Variants in KDM4C observed in about 807,000 individuals in gnomAD.
KDM4C encodes the protein lysine demethylase 4C, also known as lysine-specific demethylase 4C.
A neutral mutation model predicts 129.3 loss-of-function variants in KDM4C; 81 were observed. The observed-to-expected ratio is 0.63, with a 90% CI of 0.52 to 0.75. The LOEUF (loss-of-function observed/expected upper bound fraction) is 0.75, where lower values mean the gene tolerates loss of function less well. Ranked by LOEUF, KDM4C falls within the 30% of genes least tolerant of loss-of-function variation. The probability of loss-of-function intolerance (pLI) is 0.00; values close to 1 mark genes in which losing one functional copy is unlikely to be tolerated. For missense variants in KDM4C, 1,457 were observed against 1,304.0 expected, an observed-to-expected ratio of 1.12 and a Z score of -1.81; for synonymous variants, 573 against 456.1, an observed-to-expected ratio of 1.26 and a Z score of -3.26.
intron 17 of KDM4C, among the ~76,000 whole-genome samples, chr9:7,086,806 C>G (rs972847857): frequency 6.6e-6 from 1 of 152,214 alleles, no homozygotes; most frequent in African/African-American, 2.4e-5. Flanking sequence ...TTTTCTATAT[C>G]CCAACTCTCA....
Position 7,010,028 on chromosome 9 carries a change from GTTAAAA to G in KDM4C, c.1787-1667_1787-1662del, listed in dbSNP as rs138796226. Among the ~76,000 whole-genome samples the G allele has an allele frequency of 4.5e-3, 690 of 152,188 alleles. 5 individuals carry two copies. The highest frequency in any genetic ancestry group is 0.016 in the African/African-American group (667 of 41,542). ...TATAAACATAAATCTATTATAAAAA[GTTAAAA>G]TTTGTCACAACATATGCACACAAAC... On this transcript the variant is annotated intron_variant, in intron 12 of 21. Coordinates refer to ENST00000381309, the MANE Select transcript of KDM4C (RefSeq NM_015061.6).
intron 8 of KDM4C, among the ~76,000 whole-genome samples, chr9:6,905,681 C>T (rs1818189935): frequency 6.6e-6 from 1 of 152,122 alleles, no homozygotes; most frequent in Non-Finnish European, 1.5e-5. Flanking sequence ...TCTTAAATGG[C>T]ATTTCTATAG....
In KDM4C at chr9:6,772,833, C is replaced by T. The variant is rs1588162213; in HGVS notation, c.-18+14630C>T. ...TCAGCCTCCTGAGTAGCTGGGATTA[C>T]AGGTGCGTGCCACCCCCATGCCTGG... On this transcript the variant is annotated intron_variant, in intron 1 of 21. Coordinates refer to ENST00000381309, the MANE Select transcript of KDM4C (RefSeq NM_015061.6). Among the ~76,000 whole-genome samples the T allele has an allele frequency of 2.7e-5, 4 of 150,652 alleles. No homozygotes were observed. In the East Asian group the frequency reaches 7.9e-4, roughly 30 times the overall value.
chr9:6,903,000 T>C (rs902556114), intron 8 of KDM4C, among the ~76,000 whole-genome samples: 1 of 151,878 alleles, frequency 6.6e-6, no homozygotes, highest in African/African-American at 2.4e-5. Flanking sequence ...TTGTAATCCC[T>C]TGGAAAAAAC....
At chr9:6,858,120 G>T (rs1588736295) in intron 5 of KDM4C, among the ~76,000 whole-genome samples, 1 of 151,942 alleles carries the variant, frequency 6.6e-6, no homozygotes, top group Non-Finnish European at 1.5e-5. Context: ...ATGCCTGGCA[G>T]TAACCTGCTA....
intron 17 of KDM4C, among the ~76,000 whole-genome samples, chr9:7,071,144 G>A (rs532018109): frequency 1.3e-5 from 2 of 152,034 alleles, no homozygotes; most frequent in Non-Finnish European, 2.9e-5. Flanking sequence ...ACTATAAAAC[G>A]CTAATAAAGG....
intron 14 of KDM4C, 28 bp from the exon 15 acceptor site, chr9:7,015,825 C>A: frequency 6.7e-7 from 1 of 1,488,602 alleles, no homozygotes; most frequent in Non-Finnish European, 9.4e-7. Flanking sequence ...AAAGACCTAA[C>A]GCATGGATAC....
chr9:6,942,762 C>G (rs1282518696), intron 8 of KDM4C: 1 of 152,046 alleles, frequency 6.6e-6, no homozygotes, highest in Non-Finnish European at 1.5e-5. Context: ...ACAGTTTTAC[C>G]TTGATGTTTT....
chr9:6,894,386 C>T lies in KDM4C; in HGVS notation c.921+1154C>T, dbSNP rs183619466. On this transcript the variant is annotated intron_variant, in intron 8 of 21. Coordinates refer to ENST00000381309, the MANE Select transcript of KDM4C (RefSeq NM_015061.6). ...TGTACTACTACTTCACATTGTACAT[C>T]CTGTGTATTCTAAGAACTCAGTGTG... Among the ~76,000 whole-genome samples the T allele has an allele frequency of 5.6e-4, 86 of 152,310 alleles. 2 individuals are homozygous for T. The East Asian group carries it at 0.015, about 27-fold the overall frequency.
intron 8 of KDM4C, among the ~76,000 whole-genome samples, chr9:6,969,081 A>G (rs1044053177): frequency 6.6e-6 from 1 of 151,996 alleles, no homozygotes; most frequent in African/African-American, 2.4e-5. Flanking sequence ...GACCACAGGC[A>G]CGGATCACCA....
At chr9:6,862,806 CAAAA>C (rs958332429) in intron 5 of KDM4C, among the ~76,000 whole-genome samples, 13 of 134,582 alleles carry the variant, frequency 9.7e-5, no homozygotes, top group African/African-American at 3.2e-4. Context: ...GACTTTGTCT[CAAAA>C]CAAACAAACA....
At chr9:6,871,870 G>A (rs974928703) in intron 5 of KDM4C, among the ~76,000 whole-genome samples, 12 of 152,156 alleles carry the variant, frequency 7.9e-5, no homozygotes, top group Non-Finnish European at 7.3e-5. Context: ...CAAAAATGAT[G>A]TGTGCACATT....
At chr9:6,746,124 A>T (rs113077798) in intron 1 of KDM4C, among the ~76,000 whole-genome samples, 3,272 of 151,472 alleles carry the variant, frequency 0.022, 138 homozygotes, top group African/African-American at 0.075. Flanking sequence ...GTATTTTAGT[A>T]GAGACGGGGT....
chr9:7,057,706 A>G (rs945848462), intron 17 of KDM4C, among the ~76,000 whole-genome samples: 10 of 152,228 alleles, frequency 6.6e-5, no homozygotes, highest in Non-Finnish European at 1.3e-4. Flanking sequence ...TGTAAGCAAC[A>G]GGAATTTTCT....
At chr9:6,761,439 C>G (rs573774729) in intron 1 of KDM4C, among the ~76,000 whole-genome samples, 2 of 152,000 alleles carry the variant, frequency 1.3e-5, no homozygotes, top group African/African-American at 4.8e-5. Context: ...TGTGCTCTGG[C>G]AGTCCACCAG....
chr9:6,732,233 T>C lies in KDM4C; in HGVS notation c.49+11236T>C, dbSNP rs375050658. Among the ~76,000 whole-genome samples, 26 of 150,380 alleles carry C rather than the reference T, an allele frequency of 1.7e-4. No individual in the cohort carries two copies. The South Asian group carries it at 1.9e-3, about 11-fold the overall frequency. ...TACAAAAATTAGCCGGGCGTGGTGG[T>C]GGGCGCCTGTAGTCCCAGCTACTCG... On this transcript the variant is annotated intron_variant, in intron 1 of 17. Coordinates refer to the KDM4C transcript ENST00000536108.
Position 6,749,086 on chromosome 9 carries a change from C to A in KDM4C, c.49+28089C>A, listed in dbSNP as rs562865170. ...CCAGGCTGGAGTGCAATGGCGCGAT[C>A]TCGCCTTCCTGCAACCTCTGCCTCC... On this transcript the variant is annotated intron_variant, in intron 1 of 17. Coordinates refer to the KDM4C transcript ENST00000536108. The A allele has an allele frequency of 1.5e-5, 7 of 464,712 alleles. No homozygotes were observed. The Admixed American group carries it at 2.2e-4, about 14-fold the overall frequency. 28.8% of individuals were successfully genotyped at this position (464,712 alleles called of 1,614,324 possible).
intron 1 of KDM4C, chr9:6,748,554 T>C: frequency 2.1e-6 from 1 of 467,590 alleles, no homozygotes; most frequent in Non-Finnish European, 3.9e-6. Flanking sequence ...TATTATTAGT[T>C]TTAATACAAA....
At chr9:6,800,602 CTATTT>C (rs111341916) in intron 2 of KDM4C, among the ~76,000 whole-genome samples, 1 of 151,246 alleles carries the variant, frequency 6.6e-6, no homozygotes, top group Non-Finnish European at 1.5e-5. Flanking sequence ...GTATATCTAT[CTATTT>C]TATTTTATTT....
Sources: allele counts gnomAD v4.1 joint callset (sites outside exome capture counted in the v4.1 genomes callset), GRCh38; gene constraint gnomAD v4.1.1; transcripts MANE v1.5; gene names NCBI Gene and HGNC (gene_info 2026-07-23, HGNC 2026-07-21).